The following MAML1 variants were observed in gnomAD, a reference collection of about 807,000 sequenced individuals.
The protein encoded by MAML1 is mastermind like transcriptional coactivator 1.
MAML1 carries 14 observed loss-of-function variants against 77.1 expected under a neutral mutation model. That is an observed-to-expected ratio of 0.18 (90% CI 0.12 to 0.28). The LOEUF (loss-of-function observed/expected upper bound fraction) is 0.28. Ranked by LOEUF, MAML1 falls within the 10% of genes least tolerant of loss-of-function variation. The probability of loss-of-function intolerance (pLI) is 1.00; values close to 1 mark genes in which losing one functional copy is unlikely to be tolerated. For synonymous variants in MAML1, 516 were observed against 551.9 expected, an observed-to-expected ratio of 0.93 and a Z score of 0.91; for missense variants, 1,217 against 1,327.8, an observed-to-expected ratio of 0.92 and a Z score of 1.30.
chr5:179,757,241 C>T (rs1432198367), intron 1 of MAML1, among the ~76,000 whole-genome samples: 2 of 152,158 alleles, frequency 1.3e-5, no homozygotes, highest in African/African-American at 2.4e-5. Context: ...CTGAGAGCGT[C>T]TCCTTGTTCA....
chr5:179,747,847 G>A (rs6872715), intron 1 of MAML1, among the ~76,000 whole-genome samples: 137,573 of 143,534 alleles, frequency 0.96, 66,218 homozygotes, highest in East Asian at 1. Flanking sequence ...ATACTGTTCT[G>A]TGCTGCAACA....
intron 1 of MAML1, among the ~76,000 whole-genome samples, chr5:179,748,042 C>G (rs57195160): frequency 0.016 from 2,495 of 152,074 alleles, 67 homozygotes; most frequent in African/African-American, 0.056. Context: ...GTAAGTTCTA[C>G]TTACACAACA....
chr5:179,773,085 A>G (rs1185253751), intron 4 of MAML1, among the ~76,000 whole-genome samples: 6 of 152,116 alleles, frequency 3.9e-5, no homozygotes, highest in Admixed American at 1.3e-4. Context: ...GGGTTTCACT[A>G]TGTTGGCCAG....
intron 1 of MAML1, among the ~76,000 whole-genome samples, chr5:179,753,220 T>TGC (rs1554150271): frequency 6.0e-3 from 227 of 37,794 alleles, no homozygotes; most frequent in Non-Finnish European, 0.013. Context: ...TGTGTGTGTG[T>TGC]GTGCGCGCGC....
chr5:179,776,542 CAAA>C lies in MAML1; in HGVS notation c.*1666_*1668del. 10 of 985,684 alleles carry C rather than the reference CAAA, an allele frequency of 1.0e-5. No individual in the cohort carries two copies. The highest frequency in any genetic ancestry group is 1.2e-5 in the Non-Finnish European group (10 of 829,944). The allele number at this position is 985,684 out of a possible 1,614,324, so 61.1% of individuals were successfully genotyped here. The stretch of plus-strand genomic sequence containing the variant: ...TTTCCCATGTACTCAGTTTAGCTCT[CAAA>C]GAAGGGGTGAATCATAAAGCCAGTG... On this transcript the variant is annotated 3_prime_UTR_variant, in exon 5 of 5. Transcript: ENST00000292599.
intron 1 of MAML1, among the ~76,000 whole-genome samples, chr5:179,759,635 G>C (rs186405571): frequency 2.0e-5 from 3 of 152,208 alleles, no homozygotes; most frequent in Non-Finnish European, 4.4e-5. Context: ...CAGGGCTCCC[G>C]AGTGTCCTGT....
rs1228905633 is a variant in MAML1 at position 179,733,167 on chromosome 5, G to A, written c.55G>A (p.Val19Ile). The part of the protein sequence containing the change: ...AEFALPRHSA[V>I]MERLRRRIEL... Reference sequence around the variant, plus strand: ...GTTCGCGCTGCCGCGGCACAGCGCGGTCATGGAGCGCCTTCGCCGGCGCAT... The same window carrying A: ...GTTCGCGCTGCCGCGGCACAGCGCGATCATGGAGCGCCTTCGCCGGCGCAT... Residue 19 changes from valine to isoleucine, a missense_variant, in exon 1 of 5, where the codon GTC (valine) becomes ATC (isoleucine). Around this residue, in one of 3 missense-constraint regions of MAML1, gnomAD observed 312 missense variants for 331.4 expected, o/e 0.94. Transcript: ENST00000292599. The A allele has an allele frequency of 1.4e-6, 2 of 1,468,444 alleles. No homozygotes were observed. Among genetic ancestry groups the A allele is most frequent in the Non-Finnish European group, 1.8e-6 (2 of 1,112,994 alleles). The allele number at this position is 1,468,444 out of a possible 1,614,324, so 91.0% of individuals were successfully genotyped here.
chr5:179,773,988 T>C lies in MAML1; in HGVS notation c.2162T>C (p.Met721Thr), dbSNP rs1443107698. 6.2e-7 allele frequency: 1 copy of C among 1,614,242 alleles called. No homozygotes were observed. The highest frequency in any genetic ancestry group is 1.1e-5 in the South Asian group (1 of 91,090). The change falls in exon 5 of 5, where the codon ATG (methionine) becomes ACG (threonine). Residue 721 changes from methionine to threonine, a missense_variant. Transcript: ENST00000292599. ...CCTCAGGCTGGGAATCTGATGCCAA[T>C]GGGCCCTGGACATGCTTCAGTTTCC... is the stretch of plus-strand genomic sequence containing the variant. Reference protein sequence around the residue: ...VFPQAGNLMPMGPGHASVSSL... With the variant: ...VFPQAGNLMPTGPGHASVSSL...
At chr5:179,746,568 T>C (rs1324793533) in intron 1 of MAML1, among the ~76,000 whole-genome samples, 3 of 151,740 alleles carry the variant, frequency 2.0e-5, no homozygotes, top group Non-Finnish European at 4.4e-5. Flanking sequence ...AGACAGGGTT[T>C]CTCCACGTTG....
At chr5:179,755,291 AAG>A (rs1413652109) in intron 1 of MAML1, among the ~76,000 whole-genome samples, 2 of 152,210 alleles carry the variant, frequency 1.3e-5, no homozygotes, top group African/African-American at 4.8e-5. Flanking sequence ...CAAAAAGACA[AAG>A]AACAGAGTGA....
intron 1 of MAML1, among the ~76,000 whole-genome samples, chr5:179,753,270 T>A (rs1257294454): frequency 6.6e-6 from 1 of 152,148 alleles, no homozygotes; most frequent in Non-Finnish European, 1.5e-5. Flanking sequence ...GAATTCACAT[T>A]GTCTGTCTTT....
rs977829981 is a variant in MAML1, at chr5:179,771,404, C to T, written c.2068+161C>T. On this transcript the variant is annotated intron_variant, in intron 4 of 4. Transcript: ENST00000292599. This position sits in a 1 kb window ranked among gnomAD's most constrained non-coding sequence, Gnocchi z 4.7. Reference sequence around the variant, plus strand: ...CCTAAGGGGCCTGGTTTTCTAGTTACTCCACGGCATCAGGAGAAGAGGGCA... The same window carrying T: ...CCTAAGGGGCCTGGTTTTCTAGTTATTCCACGGCATCAGGAGAAGAGGGCA... 2.0e-5 allele frequency among the ~76,000 whole-genome samples: 3 copies of T among 152,206 alleles called. No homozygotes were observed. Among genetic ancestry groups the T allele is most frequent in the Non-Finnish European group, 4.4e-5 (3 of 68,040 alleles).
rs962437825 is a variant in MAML1, at chr5:179,776,775, G to A, written c.*1898G>A. The stretch of plus-strand genomic sequence containing the variant: ...TTAGTCCTGGGGCCGGCGACACAGT[G>A]GGGGCTCCTCACTTGCTGCAGTGTC... On this transcript the variant is annotated 3_prime_UTR_variant, in exon 5 of 5. Transcript: ENST00000292599. 78 of 985,816 alleles carry A rather than the reference G, an allele frequency of 7.9e-5. No individual in the cohort carries two copies. Among genetic ancestry groups the A allele is most frequent in the Non-Finnish European group, 2.4e-5 (20 of 829,992 alleles). The allele number at this position is 985,816 out of a possible 1,614,324, so 61.1% of individuals were successfully genotyped here.
chr5:179,749,039 C>CA (rs1779437927), intron 1 of MAML1, among the ~76,000 whole-genome samples: 1 of 151,674 alleles, frequency 6.6e-6, no homozygotes. Context: ...GATCTTGGCT[C>CA]ACTGCAACCT....
Position 179,733,268 on chromosome 5 carries a change from G to A in MAML1, c.156G>A (p.Glu52=), listed in dbSNP as rs1446185505. ...TGTCGCCCGAGCGCCTGGAGCTGGA[G>A]CGCCAACACACCTTCGCCCTGCACC... ...EAVSPERLEL[E]RQHTFALHQR... The change falls in exon 1 of 5, where the codon GAG becomes GAA. Residue 52 remains glutamate, a synonymous_variant. Coordinates refer to ENST00000292599, the MANE Select transcript of MAML1 (RefSeq NM_014757.5). The A allele has an allele frequency of 2.0e-6, 3 of 1,463,732 alleles. No homozygotes were observed. The highest frequency in any genetic ancestry group is 1.3e-5 in the South Asian group (1 of 79,018). The allele number at this position is 1,463,732 out of a possible 1,614,324, so 90.7% of individuals were successfully genotyped here. A position where few individuals can be genotyped will look rare whatever the true frequency, so the allele number is the denominator to read the frequency against.
intron 1 of MAML1, among the ~76,000 whole-genome samples, chr5:179,742,122 C>G (rs960165878): frequency 6.7e-6 from 1 of 149,674 alleles, no homozygotes. Context: ...ATCCACCCGC[C>G]TCGGTCTCCC....
At chr5:179,773,172 C>T (rs569134660) in intron 4 of MAML1, among the ~76,000 whole-genome samples, 105 of 152,304 alleles carry the variant, frequency 6.9e-4, no homozygotes, top group African/African-American at 2.4e-3. Flanking sequence ...CGTGAACCAC[C>T]GCGCCCGGCC....
intron 4 of MAML1, among the ~76,000 whole-genome samples, chr5:179,773,308 C>T (rs930396165): frequency 1.3e-5 from 2 of 152,270 alleles, no homozygotes; most frequent in Non-Finnish European, 2.9e-5. Flanking sequence ...TCTGAAAGTT[C>T]CCCACACAGA....
chr5:179,774,484 C>T lies in MAML1; in HGVS notation c.2658C>T (p.Pro886=), dbSNP rs1756085198. ...MSSPQFSQAV[P]NRPMAPMSSA... is the part of the protein sequence containing the mutation. ...GCCCGCAATTCTCCCAGGCAGTGCC[C>T]AACAGGCCCATGGCTCCCATGAGCT... Residue 886 remains proline, a synonymous_variant, in exon 5 of 5, where the codon CCC becomes CCT. Transcript: ENST00000292599. 6.2e-7 allele frequency: 1 copy of T among 1,613,196 alleles called. No individual in the cohort carries two copies. The highest frequency in any genetic ancestry group is 8.5e-7 in the Non-Finnish European group (1 of 1,180,040).
Sources: gnomAD v4.1 joint callset for allele counts (sites outside exome capture counted in the v4.1 genomes callset) on GRCh38, gnomAD v4.1.1 for gene constraint, gnomAD v4.1.1 regional missense constraint, Gnocchi (gnomAD v3.1) non-coding constraint, MANE v1.5 for transcripts, NCBI Gene and HGNC (gene_info 2026-07-23, HGNC 2026-07-21) for gene names.